The following SHC2 variants were observed in gnomAD, a reference collection of about 807,000 sequenced individuals.
The protein encoded by SHC2 is SHC-transforming protein 2.
Under a neutral mutation model 60.6 loss-of-function variants are expected in SHC2, and 62 were observed. The observed-to-expected ratio is 1.02, with a 90% CI of 0.83 to 1.26. The LOEUF is 1.26. Ranked by LOEUF, SHC2 falls within the 50% of genes most tolerant of loss-of-function variation. The pLI, the probability that SHC2 is intolerant of heterozygous loss-of-function variation, is 0.00. For synonymous variants in SHC2, 375 were observed against 372.4 expected, an observed-to-expected ratio of 1.01 and a Z score of -0.08; for missense variants, 873 against 822.2, an observed-to-expected ratio of 1.06 and a Z score of -0.76.
rs867671824 is a variant in SHC2 at position 445,023 on chromosome 19, G to A, written c.469-4091C>T. Among the ~76,000 whole-genome samples the A allele has an allele frequency of 1.3e-5, 2 of 152,246 alleles. No individual in the cohort carries two copies. The highest frequency in any genetic ancestry group is 1.5e-5 in the Non-Finnish European group (1 of 68,036). On this transcript the variant is annotated intron_variant, in intron 1 of 12. Coordinates refer to ENST00000264554, the MANE Select transcript of SHC2 (RefSeq NM_012435.3). The surrounding 1 kb of genome is among the most constrained non-coding windows in gnomAD (Gnocchi z 4.4). ...ATCTGCACTGCTCCCCCTGCACGAC[G>A]GGAAGAGGCGGGGACCTCAGCTCAC... is the stretch of plus-strand genomic sequence containing the variant.
rs888474883 is a variant in SHC2, at chr19:434,983, G to A, written c.954-118C>T. The A allele has an allele frequency of 1.5e-5, 16 of 1,049,526 alleles. No individual in the cohort carries two copies. In the African/African-American group the frequency reaches 2.4e-4, roughly 16 times the overall value. The allele number at this position is 1,049,526 out of a possible 1,614,324, so 65.0% of individuals were successfully genotyped here. On this transcript the variant is annotated intron_variant, in intron 7 of 12. Transcript: ENST00000264554. ...GAGTTCGAATCCCAGCCCCCCACCT[G>A]TCACTGAGGGTTCCTACCGGGAAAC...
chr19:434,536 G>T (rs1014504219), intron 8 of SHC2, among the ~76,000 whole-genome samples, 173 bp downstream of exon 8: 2 of 107,716 alleles, frequency 1.9e-5, no homozygotes, highest in African/African-American at 7.3e-5. Context: ...TTGTGAGTGA[G>T]ATTGTGAGTC....
Position 421,412 on chromosome 19 carries a change from A to AAAAAG in SHC2, c.1620+729_1620+733dup, listed in dbSNP as rs1555703189. ...GAGACTCCATCAAAAAAAAAAAAAA[A>AAAAAG]AAAAGAAAAGAAAAGAAAAAGAGAG... On this transcript the variant is annotated intron_variant, in intron 11 of 12. Transcript: ENST00000264554. 5.1e-3 allele frequency among the ~76,000 whole-genome samples: 744 copies of AAAAAG among 144,588 alleles called. 8 individuals are homozygous for AAAAAG. Among genetic ancestry groups the AAAAAG allele is most frequent in the African/African-American group, 0.016 (615 of 39,036 alleles). 94.9% of individuals were successfully genotyped at this position (144,588 alleles called of 152,430 possible). A position where few individuals can be genotyped will look rare whatever the true frequency, so the allele number is the denominator to read the frequency against.
intron 10 of SHC2, among the ~76,000 whole-genome samples, chr19:423,142 C>T (rs144870737): frequency 0.028 from 4,112 of 145,292 alleles, 243 homozygotes; most frequent in East Asian, 0.23. Context: ...CCCTGACCCT[C>T]ACTCCCTGGT....
rs543227705 is a variant in SHC2, at chr19:424,671, G to A, written c.1309+426C>T. On this transcript the variant is annotated intron_variant, in intron 10 of 12. Transcript: ENST00000264554. The surrounding 1 kb of genome is among the most constrained non-coding windows in gnomAD (Gnocchi z 4.5). The stretch of plus-strand genomic sequence containing the variant: ...ATGACGAACCTCCTCCCTTCAGACC[G>A]GGGGTTCCGACAGAGGCAGGTGGGT... 2.0e-5 allele frequency among the ~76,000 whole-genome samples: 3 copies of A among 152,288 alleles called. No homozygotes were observed. Among genetic ancestry groups the A allele is most frequent in the East Asian group, 3.9e-4 (2 of 5,180 alleles).
chr19:434,539 T>C (rs112764935), intron 8 of SHC2, among the ~76,000 whole-genome samples, 170 bp downstream of exon 8: 3 of 332 alleles, frequency 9.0e-3, no homozygotes, highest in East Asian at 0.05. Context: ...TGAGTGAGAT[T>C]GTGAGTCTGT....
intron 1 of SHC2, among the ~76,000 whole-genome samples, chr19:455,340 TG>T (rs770985054): frequency 5.3e-5 from 8 of 152,206 alleles, no homozygotes; most frequent in African/African-American, 9.7e-5. Context: ...TTTGACCTGC[TG>T]TGCCTCAGCT....
intron 6 of SHC2, 42 bp downstream of exon 6, chr19:436,338 C>T (rs1974717932): frequency 1.9e-6 from 3 of 1,594,868 alleles, no homozygotes; most frequent in Non-Finnish European, 2.6e-6. Flanking sequence ...CGGCCGTGCC[C>T]CCCAGCCACA....
At chr19:460,458 GTCCCGGAGGAGAGGGTGGGGGAGGGGA>G in intron 1 of SHC2, 44 bp downstream of exon 1, 1 of 737,172 alleles carries the variant, frequency 1.4e-6, no homozygotes, top group Non-Finnish European at 1.8e-6. Context: ...GGGTCCGGGG[GTCCCGGAGGAGAGGGTGGGGGAGGGGA>G]GGCCGCCGCG....
At position 436,403 on chromosome 19, in the gene SHC2, GCGA is replaced by G. The variant is rs1974721160; in HGVS notation, c.800_802del (p.Val267del). On this transcript the variant is annotated inframe_deletion, in exon 6 of 13. Transcript: ENST00000264554. ...ACCTCTCTGGTTGATGGGGTCCTTGGCGACGTAGGCCACGTAATCCGTCATGTC... is the reference window on the plus strand; with the variant it reads ...ACCTCTCTGGTTGATGGGGTCCTTGGCGTAGGCCACGTAATCCGTCATGTC... The G allele has an allele frequency of 6.3e-7, 1 of 1,594,692 alleles. No individual in the cohort carries two copies. The highest frequency in any genetic ancestry group is 1.3e-5 in the African/African-American group (1 of 74,294).
At chr19:450,888 ACAT>A (rs1254129263) in intron 1 of SHC2, among the ~76,000 whole-genome samples, 3 of 139,332 alleles carry the variant, frequency 2.2e-5, no homozygotes, top group Non-Finnish European at 4.6e-5. Context: ...CGCCGTGGCC[ACAT>A]CATATTTCAG....
chr19:451,659 G>A (rs372507815), intron 1 of SHC2, among the ~76,000 whole-genome samples: 11 of 152,258 alleles, frequency 7.2e-5, no homozygotes, highest in South Asian at 6.2e-4. Flanking sequence ...GTGCAGTGGC[G>A]TGATCTCGGC....
chr19:428,818 C>A (rs1974485468), intron 9 of SHC2, among the ~76,000 whole-genome samples: 1 of 152,020 alleles, frequency 6.6e-6, no homozygotes, highest in Non-Finnish European at 1.5e-5. Context: ...CCAACGTGCA[C>A]AGAAACCTAA....
At chr19:457,582 C>G (rs1016105844) in intron 1 of SHC2, among the ~76,000 whole-genome samples, 1 of 152,174 alleles carries the variant, frequency 6.6e-6, no homozygotes, top group Non-Finnish European at 1.5e-5. Context: ...ATCCAAGCTC[C>G]TTGAGAGCAG....
intron 1 of SHC2, among the ~76,000 whole-genome samples, chr19:459,537 A>G (rs1315548868): frequency 4.7e-4 from 37 of 78,144 alleles, no homozygotes; most frequent in African/African-American, 9.9e-4. Flanking sequence ...CTCAGTGTAG[A>G]GGGAAGGACC....
chr19:434,344 ATGAG>A (rs546860348), intron 8 of SHC2, among the ~76,000 whole-genome samples: 136 of 26,978 alleles, frequency 5.0e-3, no homozygotes, highest in African/African-American at 0.018. Context: ...GAGTGAGATC[ATGAG>A]TGAGTGAGAT....
intron 7 of SHC2, 112 bp from the exon 8 acceptor site, chr19:434,977 C>A: frequency 8.8e-7 from 1 of 1,131,596 alleles, no homozygotes; most frequent in Non-Finnish European, 1.2e-6. Context: ...TCCCAGCCCC[C>A]CACCTGTCAC....
chr19:457,062 C>T (rs578122991), intron 1 of SHC2, among the ~76,000 whole-genome samples: 34 of 149,676 alleles, frequency 2.3e-4, no homozygotes, highest in Admixed American at 4.6e-4. Flanking sequence ...TGCTGTGCCC[C>T]GCCTAGAACT....
At chr19:439,896 G>A (rs1974820534) in intron 2 of SHC2, among the ~76,000 whole-genome samples, 1 of 151,856 alleles carries the variant, frequency 6.6e-6, no homozygotes, top group African/African-American at 2.4e-5. Context: ...TGTGGTGGTG[G>A]GCGCCTGTAG....
Sources: gnomAD v4.1 joint callset for allele counts (sites outside exome capture counted in the v4.1 genomes callset) on GRCh38, gnomAD v4.1.1 for gene constraint, Gnocchi (gnomAD v3.1) non-coding constraint, MANE v1.5 for transcripts, NCBI Gene and HGNC (gene_info 2026-07-23, HGNC 2026-07-21) for gene names.